The following SLC25A21 variants were observed in gnomAD, a reference collection of about 807,000 sequenced individuals.
SLC25A21 encodes the protein mitochondrial 2-oxodicarboxylate carrier.
In SLC25A21, 47 loss-of-function variants were observed where a neutral mutation model predicts 43.8. The ratio of observed to expected loss-of-function variants is 1.07; its 90% CI spans 0.85 to 1.37. The LOEUF (loss-of-function observed/expected upper bound fraction) is 1.37, where lower values mean the gene tolerates loss of function less well. SLC25A21 is among the 40% of genes most tolerant of loss of function. SLC25A21 has a pLI of 0.00. For missense variants in SLC25A21, 352 were observed against 350.2 expected (o/e 1.00, Z -0.04); for synonymous variants, 131 against 121.3 (o/e 1.08, Z -0.52).
At chr14:37,082,319 C>T (rs8009539) in intron 1 of SLC25A21, among the ~76,000 whole-genome samples, 22,266 of 152,134 alleles carry the variant, frequency 0.15, 5,351 homozygotes, top group African/African-American at 0.5. Context: ...ATCCATACTC[C>T]AAACCTCAGT....
At chr14:36,861,489 A>T (rs1890063896) in intron 2 of SLC25A21, among the ~76,000 whole-genome samples, 1 of 152,112 alleles carries the variant, frequency 6.6e-6, no homozygotes, top group South Asian at 2.1e-4. Context: ...CTTTCTCAAC[A>T]CTTTCAGGTT....
intron 1 of SLC25A21, among the ~76,000 whole-genome samples, chr14:37,103,216 T>C (rs1387922955): frequency 6.6e-6 from 1 of 152,144 alleles, no homozygotes; most frequent in Non-Finnish European, 1.5e-5. Context: ...AGAAAAGGAA[T>C]AGGCAGAGAA....
chr14:36,864,046 A>G (rs1054011336), intron 2 of SLC25A21, among the ~76,000 whole-genome samples: 6 of 152,226 alleles, frequency 3.9e-5, no homozygotes, highest in African/African-American at 1.4e-4. Context: ...GTCATGGCCT[A>G]TCATCCTCAA....
intron 3 of SLC25A21, among the ~76,000 whole-genome samples, chr14:36,811,216 A>G (rs1047067049): frequency 6.6e-6 from 1 of 152,212 alleles, no homozygotes; most frequent in African/African-American, 2.4e-5. Flanking sequence ...TATATTTCCC[A>G]AATACTCTGA....
At chr14:36,857,728 C>G (rs897945479) in intron 2 of SLC25A21, among the ~76,000 whole-genome samples, 10 of 152,144 alleles carry the variant, frequency 6.6e-5, no homozygotes, top group Non-Finnish European at 1.3e-4. Flanking sequence ...ATTACTCTGC[C>G]CAGAGGTGCT....
intron 2 of SLC25A21, among the ~76,000 whole-genome samples, chr14:36,869,726 G>C (rs1407978650): frequency 1.3e-5 from 2 of 152,144 alleles, no homozygotes; most frequent in Non-Finnish European, 2.9e-5. Context: ...AGAAACAAGA[G>C]GATGACGATA....
intron 2 of SLC25A21, among the ~76,000 whole-genome samples, chr14:36,847,531 A>G (rs1889584903): frequency 6.6e-6 from 1 of 152,186 alleles, no homozygotes; most frequent in Non-Finnish European, 1.5e-5. Context: ...AAACGCCACA[A>G]TCACCTTATT....
chr14:36,783,805 A>T (rs1045519943), intron 3 of SLC25A21, among the ~76,000 whole-genome samples: 1 of 152,100 alleles, frequency 6.6e-6, no homozygotes, highest in African/African-American at 2.4e-5. Context: ...CACTATGGGG[A>T]GATATGGTAG....
chr14:37,091,388 T>C (rs866250268), intron 1 of SLC25A21, among the ~76,000 whole-genome samples: 1 of 150,872 alleles, frequency 6.6e-6, no homozygotes. Context: ...GAACCGAGAT[T>C]GCACCACTGC....
intron 1 of SLC25A21, among the ~76,000 whole-genome samples, chr14:36,972,889 C>T (rs1959783335): frequency 6.6e-6 from 1 of 151,964 alleles, no homozygotes; most frequent in African/African-American, 2.4e-5. Flanking sequence ...CTGGAGTATA[C>T]TGGCACAATC....
At chr14:36,795,469 T>C (rs7158254) in intron 3 of SLC25A21, among the ~76,000 whole-genome samples, 6,628 of 152,300 alleles carry the variant, frequency 0.044, 499 homozygotes, top group African/African-American at 0.15. Context: ...CAAAGGTCCA[T>C]ACAGCTTGCA....
intron 3 of SLC25A21, among the ~76,000 whole-genome samples, chr14:36,790,370 A>T (rs848103): frequency 0.2 from 31,047 of 151,818 alleles, 3,325 homozygotes; most frequent in Middle Eastern, 0.27. Context: ...CATCCTTATC[A>T]CTCATTCTGC....
In SLC25A21 at chr14:37,054,975, A is replaced by C. The variant is rs190427267; in HGVS notation, c.70+117306T>G. ...TTTCCAGGGAGAAGGATGAGGCCCT[A>C]ATCAAGAAACCAGTGACTTCTGCCC... is the stretch of plus-strand genomic sequence containing the variant. On this transcript the variant is annotated intron_variant, in intron 1 of 9. Coordinates refer to ENST00000331299, the MANE Select transcript of SLC25A21 (RefSeq NM_030631.4). Among the ~76,000 whole-genome samples, 199 of 152,332 alleles carry C rather than the reference A, an allele frequency of 1.3e-3. 1 individual carries two copies. The highest frequency in any genetic ancestry group is 4.5e-3 in the African/African-American group (187 of 41,586).
At chr14:36,914,973 G>A (rs1891791254) in intron 1 of SLC25A21, among the ~76,000 whole-genome samples, 1 of 151,574 alleles carries the variant, frequency 6.6e-6, no homozygotes, top group African/African-American at 2.4e-5. Flanking sequence ...AACCATTGAT[G>A]GCCAGCTTGT....
At chr14:36,915,398 G>A (rs1164918951) in intron 1 of SLC25A21, among the ~76,000 whole-genome samples, 1 of 152,098 alleles carries the variant, frequency 6.6e-6, no homozygotes, top group African/African-American at 2.4e-5. Flanking sequence ...CAAAAGGGGT[G>A]GAGACAATTG....
intron 1 of SLC25A21, among the ~76,000 whole-genome samples, chr14:36,888,890 A>G (rs1890999668): frequency 6.6e-6 from 1 of 152,240 alleles, no homozygotes; most frequent in African/African-American, 2.4e-5. Context: ...TACTTCTTGC[A>G]ATCATATTCA....
intron 3 of SLC25A21, among the ~76,000 whole-genome samples, chr14:36,752,408 A>G (rs1282806742): frequency 1.3e-5 from 2 of 152,210 alleles, no homozygotes; most frequent in Non-Finnish European, 2.9e-5. Flanking sequence ...ATATACCCAC[A>G]AGAAGTGAAA....
chr14:37,137,739 A>G (rs779776851), intron 1 of SLC25A21, among the ~76,000 whole-genome samples: 1 of 152,178 alleles, frequency 6.6e-6, no homozygotes, highest in Non-Finnish European at 1.5e-5. Context: ...AATTATTTCC[A>G]CTATTCTCAA....
intron 1 of SLC25A21, among the ~76,000 whole-genome samples, chr14:36,875,876 G>C (rs553494277): frequency 6.6e-6 from 1 of 152,252 alleles, no homozygotes; most frequent in East Asian, 1.9e-4. Flanking sequence ...TAGTACAGTA[G>C]TATTAGGTAC....
Sources: allele counts gnomAD v4.1 joint callset (sites outside exome capture counted in the v4.1 genomes callset), GRCh38; gene constraint gnomAD v4.1.1; transcripts MANE v1.5; gene names NCBI Gene and HGNC (gene_info 2026-07-23, HGNC 2026-07-21).